The following SLC25A13 variants were observed in gnomAD, a reference collection of about 807,000 sequenced individuals.
SLC25A13 encodes solute carrier family 25 member 13.
Under a neutral mutation model 85.5 loss-of-function variants are expected in SLC25A13, and 70 were observed. That is an observed-to-expected ratio of 0.82 (90% CI 0.68 to 1.00). The LOEUF (loss-of-function observed/expected upper bound fraction) is 1.00, where lower values mean the gene tolerates loss of function less well. SLC25A13 is among the 50% of genes least tolerant of loss of function. The pLI, the probability that SLC25A13 is intolerant of heterozygous loss-of-function variation, is 0.00. For synonymous variants in SLC25A13, 259 were observed against 288.7 expected (o/e 0.90, Z 1.04); for missense variants, 765 against 819.8 (o/e 0.93, Z 0.82).
intron 8 of SLC25A13, 49 bp downstream of exon 8, chr7:96,189,532 T>G: frequency 6.7e-7 from 1 of 1,497,940 alleles, no homozygotes; most frequent in Admixed American, 1.8e-5. Context: ...CCTCCTAACC[T>G]CCTTTTATTA....
intron 15 of SLC25A13, among the ~76,000 whole-genome samples, chr7:96,126,264 G>C (rs1042254060): frequency 9.9e-5 from 15 of 152,062 alleles, no homozygotes; most frequent in African/African-American, 7.2e-5. Context: ...CTTCACTTTG[G>C]GGGTAGAAGA....
At chr7:96,307,510 G>A (rs967525647) in intron 1 of SLC25A13, among the ~76,000 whole-genome samples, 7 of 151,562 alleles carry the variant, frequency 4.6e-5, no homozygotes, top group Non-Finnish European at 1.0e-4. Context: ...AGCCATAATC[G>A]CGCCACTGCA....
At chr7:96,202,861 C>T (rs912441710) in intron 5 of SLC25A13, among the ~76,000 whole-genome samples, 10 of 152,076 alleles carry the variant, frequency 6.6e-5, no homozygotes, top group Non-Finnish European at 1.2e-4. Flanking sequence ...TAGCCCAAGG[C>T]TAAAACCCAA....
At chr7:96,159,987 T>C (rs543167007) in intron 13 of SLC25A13, among the ~76,000 whole-genome samples, 57 of 152,328 alleles carry the variant, frequency 3.7e-4, no homozygotes, top group Middle Eastern at 3.4e-3. Flanking sequence ...TTGACTGACA[T>C]TAAAAAGCAA....
At chr7:96,215,122 G>C (rs980619678) in intron 4 of SLC25A13, among the ~76,000 whole-genome samples, 12 of 152,072 alleles carry the variant, frequency 7.9e-5, no homozygotes, top group African/African-American at 2.9e-4. Context: ...AAGAACAGAT[G>C]GAGTCTTGCT....
intron 2 of SLC25A13, among the ~76,000 whole-genome samples, chr7:96,280,401 A>C (rs1445210909): frequency 6.6e-6 from 1 of 152,138 alleles, no homozygotes; most frequent in African/African-American, 2.4e-5. Flanking sequence ...TCCCTAAAAA[A>C]ATTCCACTGA....
chr7:96,151,596 C>CAA lies in SLC25A13; in HGVS notation c.1312-4902_1312-4901dup, dbSNP rs113913591. 1.8e-3 allele frequency among the ~76,000 whole-genome samples: 237 copies of CAA among 132,824 alleles called. 2 individuals carry two copies. The highest frequency in any genetic ancestry group is 6.2e-3 in the African/African-American group (225 of 36,334). 87.1% of individuals were successfully genotyped at this position (132,824 alleles called of 152,430 possible). A position where few individuals can be genotyped will look rare whatever the true frequency, so the allele number is the denominator to read the frequency against. ...TGAGCGACAGAGGGAGATTCTGTCT[C>CAA]AAAAAAAAAAAAATTGTTTTTTGGT... On this transcript the variant is annotated intron_variant, in intron 13 of 17. Coordinates refer to ENST00000265631, the MANE Select transcript of SLC25A13 (RefSeq NM_014251.3).
intron 4 of SLC25A13, among the ~76,000 whole-genome samples, chr7:96,213,703 C>T (rs1441738601): frequency 6.6e-6 from 1 of 152,160 alleles, no homozygotes; most frequent in Non-Finnish European, 1.5e-5. Flanking sequence ...GAACCACCTG[C>T]TAGATCTATC....
At chr7:96,244,282 T>C (rs930879583) in intron 3 of SLC25A13, among the ~76,000 whole-genome samples, 4 of 152,110 alleles carry the variant, frequency 2.6e-5, no homozygotes, top group Non-Finnish European at 5.9e-5. Flanking sequence ...ACTGAGGATA[T>C]GGAAACTACC....
intron 5 of SLC25A13, 50 bp from the exon 6 acceptor site, chr7:96,193,233 T>C (rs1298651758): frequency 3.1e-6 from 5 of 1,591,852 alleles, no homozygotes; most frequent in Admixed American, 1.7e-5. Flanking sequence ...CATTTAATAA[T>C]TACTACAAAT....
At chr7:96,278,208 C>T (rs955874255) in intron 2 of SLC25A13, among the ~76,000 whole-genome samples, 8 of 152,050 alleles carry the variant, frequency 5.3e-5, no homozygotes, top group Admixed American at 3.3e-4. Context: ...AAGCAGGAGA[C>T]GGCCTCTTGA....
At chr7:96,174,206 C>T (rs1297395993) in intron 11 of SLC25A13, among the ~76,000 whole-genome samples, 1 of 152,216 alleles carries the variant, frequency 6.6e-6, no homozygotes, top group Non-Finnish European at 1.5e-5. Context: ...GAGATTTCTA[C>T]CTTCTTTCTC....
At chr7:96,261,785 G>T (rs1370842047) in intron 3 of SLC25A13, among the ~76,000 whole-genome samples, 1 of 152,152 alleles carries the variant, frequency 6.6e-6, no homozygotes, top group African/African-American at 2.4e-5. Context: ...CTTCCTCACT[G>T]TTGTGGGATT....
chr7:96,250,260 A>G (rs1330717176), intron 3 of SLC25A13, among the ~76,000 whole-genome samples: 1 of 152,240 alleles, frequency 6.6e-6, no homozygotes, highest in Admixed American at 6.5e-5. Flanking sequence ...GGGTTTCAAT[A>G]TGAATTACAT....
intron 15 of SLC25A13, among the ~76,000 whole-genome samples, chr7:96,125,350 C>T (rs1791682187): frequency 6.6e-6 from 1 of 152,184 alleles, no homozygotes; most frequent in Admixed American, 6.5e-5. Flanking sequence ...CCTTGGCCTC[C>T]CAAAGTGCTG....
chr7:96,219,509 G>A (rs530782839), intron 4 of SLC25A13, among the ~76,000 whole-genome samples: 1 of 152,154 alleles, frequency 6.6e-6, no homozygotes, highest in African/African-American at 2.4e-5. Context: ...TGATTCTTAT[G>A]AAACTAGTCA....
chr7:96,189,659 G>C lies in SLC25A13; in HGVS notation c.770C>G (p.Ala257Gly). 1 of 1,613,564 alleles carries C rather than the reference G, an allele frequency of 6.2e-7. No homozygotes were observed. Among genetic ancestry groups the C allele is most frequent in the Non-Finnish European group, 8.5e-7 (1 of 1,179,914 alleles). ...TGTAACCTGACCAAATTTCTGAGCT[G>C]CCAGAACAAACTCCTCTGTATGGAA... ...VEVTKEEFVL[A>G]AQKFGQVTPM... The change falls in exon 8 of 18, where the codon GCA (alanine) becomes GGA (glycine). Residue 257 changes from alanine to glycine, a missense_variant. Transcript: ENST00000265631.
chr7:96,219,126 C>A (rs6465492), intron 4 of SLC25A13, among the ~76,000 whole-genome samples: 148,955 of 152,302 alleles, frequency 0.98, 72,930 homozygotes, highest in East Asian at 1. Context: ...AGAGGAAAGA[C>A]GTATTCTGGC....
At chr7:96,131,213 A>C (rs1300553589) in intron 15 of SLC25A13, among the ~76,000 whole-genome samples, 1 of 152,208 alleles carries the variant, frequency 6.6e-6, no homozygotes, top group Non-Finnish European at 1.5e-5. Context: ...CACTGAAAAA[A>C]AGAAGATAGT....
Sources: allele counts gnomAD v4.1 joint callset (sites outside exome capture counted in the v4.1 genomes callset), GRCh38; gene constraint gnomAD v4.1.1; transcripts MANE v1.5; gene names NCBI Gene and HGNC (gene_info 2026-07-23, HGNC 2026-07-21).